Variants in ULK1 observed in about 807,000 individuals in gnomAD.
The protein encoded by ULK1 is unc-51 like autophagy activating kinase 1, also known as serine/threonine-protein kinase ULK1.
Under a neutral mutation model 117.5 loss-of-function variants are expected in ULK1, and 48 were observed. The ratio of observed to expected loss-of-function variants is 0.41; its 90% CI spans 0.32 to 0.52. The LOEUF (loss-of-function observed/expected upper bound fraction) is 0.52, where lower values mean the gene tolerates loss of function less well. Ranked by LOEUF, ULK1 falls within the 20% of genes least tolerant of loss-of-function variation. The probability of loss-of-function intolerance (pLI) is 0.29; values close to 1 mark genes in which losing one functional copy is unlikely to be tolerated. For missense variants in ULK1, 1,387 were observed against 1,473.4 expected (o/e 0.94, Z 0.96); for synonymous variants, 790 against 637.8 (o/e 1.24, Z -3.60).
chr12:131,895,913 G>T, intron 3 of ULK1, 89 bp downstream of exon 3: 1 of 1,549,308 alleles, frequency 6.5e-7, no homozygotes, highest in Admixed American at 1.7e-5. Flanking sequence ...CTGGTGTTGA[G>T]CCTGTCCAGG....
Position 131,915,397 on chromosome 12 carries a change from C to T in ULK1, c.1585C>T (p.Arg529Trp), listed in dbSNP as rs371800991. The T allele has an allele frequency of 2.4e-5, 39 of 1,612,668 alleles. No individual in the cohort carries two copies. Among genetic ancestry groups the T allele is most frequent in the South Asian group, 2.4e-4 (22 of 91,082 alleles). ...GTPSPQGAEM[R>W]GGRSPRPGSS... The stretch of plus-strand genomic sequence containing the variant: ...GCCCTCCCCACAGGGAGCTGAGATG[C>T]GGGGTGGCAGGTCCCCTCGTCCAGG... Residue 529 changes from arginine (R) to tryptophan (W), a missense_variant, in exon 18 of 28, where the codon CGG becomes TGG. Physicochemically the swap from Arg to Trp is moderately radical, Grantham distance 101 (BLOSUM62 -3). Coordinates refer to ENST00000321867, the MANE Select transcript of ULK1 (RefSeq NM_003565.4).
At chr12:131,896,464 G>A (rs1410719590) in intron 3 of ULK1, 2 of 154,580 alleles carry the variant, frequency 1.3e-5, no homozygotes, top group African/African-American at 4.8e-5. Context: ...AGGAACCTGA[G>A]GCGGGAGATC....
At position 131,918,564 on chromosome 12, in the gene ULK1, A is replaced by T; in HGVS notation, c.2394A>T (p.Pro798=). ...TGCCTGGGCCCTGCAGCGAGGCCCCAGCCCCTGAGCTCCCTGCTCCAGGAC... is the reference window on the plus strand; with the variant it reads ...TGCCTGGGCCCTGCAGCGAGGCCCCTGCCCCTGAGCTCCCTGCTCCAGGAC... ...HLVPGPCSEA[P]APELPAPGHG... The change falls in exon 23 of 28, where the codon CCA becomes CCT. Residue 798 remains proline, a synonymous_variant. Transcript: ENST00000321867. The T allele has an allele frequency of 6.2e-7, 1 of 1,611,120 alleles. No individual in the cohort carries two copies. The highest frequency in any genetic ancestry group is 8.5e-7 in the Non-Finnish European group (1 of 1,179,314).
chr12:131,913,846 GC>G lies in ULK1; in HGVS notation c.1247+14del. 2.0e-6 allele frequency: 3 copies of G among 1,507,480 alleles called. No individual in the cohort carries two copies. Among genetic ancestry groups the G allele is most frequent in the East Asian group, 2.5e-5 (1 of 40,138 alleles). 93.4% of individuals were successfully genotyped at this position (1,507,480 alleles called of 1,614,324 possible). On this transcript the variant is annotated intron_variant, in intron 15 of 27. Transcript: ENST00000321867. The stretch of plus-strand genomic sequence containing the variant: ...CCCCCAGTCCCTCAGGGTAAGCAGG[GC>G]CCCAGGCTGGGTGGATGGGGCTGTG...
chr12:131,921,708 C>CAAAGCG lies in ULK1; in HGVS notation c.*349_*354dup. ...CCTGAGACCACTGCCGACTCAAAGCCAAAGCGAGCTCCTGCTTAGGGAAGG... is the reference window on the plus strand; with the variant it reads ...CCTGAGACCACTGCCGACTCAAAGCCAAAGCGAAAGCGAGCTCCTGCTTAGGGAAGG... On this transcript the variant is annotated 3_prime_UTR_variant, in exon 28 of 28. Transcript: ENST00000321867. The CAAAGCG allele has an allele frequency of 1.7e-6, 1 of 599,222 alleles. No individual in the cohort carries two copies. Among genetic ancestry groups the CAAAGCG allele is most frequent in the Non-Finnish European group, 3.1e-6 (1 of 322,030 alleles). 37.1% of individuals were successfully genotyped at this position (599,222 alleles called of 1,614,324 possible).
chr12:131,915,858 C>T (rs374770679), intron 18 of ULK1, 33 bp from the exon 19 acceptor site: 85 of 1,603,796 alleles, frequency 5.3e-5, no homozygotes, highest in African/African-American at 9.4e-5. Context: ...GCCGCCGGAC[C>T]GGAAGGTCGT....
chr12:131,915,228 C>T lies in ULK1; in HGVS notation c.1519C>T (p.Gln507Ter). The T allele has an allele frequency of 6.2e-7, 1 of 1,601,894 alleles. No homozygotes were observed. The highest frequency in any genetic ancestry group is 8.5e-7 in the Non-Finnish European group (1 of 1,174,564). The change falls in exon 17 of 28, where the codon CAA (glutamine) becomes TAA (stop). Residue 507 changes from glutamine (Q) to a stop codon, truncating the protein, a stop_gained. Transcript: ENST00000321867. LOFTEE classifies it high-confidence loss of function. ...GGGRPYTPSPQVGTIPERPGW... is the reference protein window; with the variant it reads ...GGGRPYTPSP Reference sequence around the variant, plus strand: ...AGGCCGGCCCTACACGCCATCTCCTCAAGGTGCGCCTGCAGGCTGGGGCCT... The same window carrying T: ...AGGCCGGCCCTACACGCCATCTCCTTAAGGTGCGCCTGCAGGCTGGGGCCT...
Position 131,919,453 on chromosome 12 carries a change from A to G in ULK1, c.2685-19A>G, listed in dbSNP as rs1386451703. 6 of 1,605,932 alleles carry G rather than the reference A, an allele frequency of 3.7e-6. No homozygotes were observed. The highest frequency in any genetic ancestry group is 5.1e-6 in the Non-Finnish European group (6 of 1,177,006). On this transcript the variant is annotated intron_variant, in intron 24 of 27. Coordinates refer to ENST00000321867, the MANE Select transcript of ULK1 (RefSeq NM_003565.4). ...GGCCAGGACCAACCGGCCTCCTCTG[A>G]TCTGCCTGCCGCCCCCAGCTTCGCG...
intron 3 of ULK1, among the ~76,000 whole-genome samples, chr12:131,900,077 G>A (rs1377667677): frequency 2.9e-5 from 4 of 137,008 alleles, no homozygotes; most frequent in Non-Finnish European, 4.5e-5. Flanking sequence ...AGATTGCGCC[G>A]CTGCACTCCA....
At chr12:131,914,621 C>T (rs1889691970) in intron 16 of ULK1, 144 bp downstream of exon 16, 1 of 1,142,956 alleles carries the variant, frequency 8.7e-7, no homozygotes, top group Non-Finnish European at 1.2e-6. Context: ...CCACCATTTA[C>T]TTTGTTGATG....
At chr12:131,905,182 C>T (rs1889225948) in intron 3 of ULK1, among the ~76,000 whole-genome samples, 1 of 152,176 alleles carries the variant, frequency 6.6e-6, no homozygotes, top group African/African-American at 2.4e-5. Flanking sequence ...CACCATCGGC[C>T]TTAGCCTCCC....
At position 131,917,455 on chromosome 12, in the gene ULK1, G is replaced by A. The variant is rs1312357552; in HGVS notation, c.2227G>A (p.Ala743Thr). 5.2e-6 allele frequency: 8 copies of A among 1,533,210 alleles called. No homozygotes were observed. The South Asian group carries it at 9.8e-5, about 19-fold the overall frequency. 95.0% of individuals were successfully genotyped at this position (1,533,210 alleles called of 1,614,324 possible). The part of the protein sequence containing the change: ...FGGSLHPGAR[A>T]GGTSSPSPVV... ...AGGGAGCCTGCACCCAGGAGCCCGTGCTGGGGGCACCAGCAGCCCTTCCCC... is the reference window on the plus strand; with the variant it reads ...AGGGAGCCTGCACCCAGGAGCCCGTACTGGGGGCACCAGCAGCCCTTCCCC... The change falls in exon 22 of 28, where the codon GCT becomes ACT. Residue 743 changes from alanine (A) to threonine (T), a missense_variant. Physicochemically the swap from Ala to Thr is moderately conservative, Grantham distance 58 (BLOSUM62 0). Coordinates refer to ENST00000321867, the MANE Select transcript of ULK1 (RefSeq NM_003565.4).
Position 131,912,036 on chromosome 12 carries a change from A to G in ULK1, c.1043A>G (p.Lys348Arg), listed in dbSNP as rs1889560309. The G allele has an allele frequency of 6.2e-7, 1 of 1,612,750 alleles. No homozygotes were observed. The change falls in exon 13 of 28, where the codon AAG becomes AGG. Residue 348 changes from lysine (K) to arginine (R), a missense_variant. By Grantham distance (26) the Lys-to-Arg change is conservative. Around this residue, in one of 4 missense-constraint regions of ULK1, gnomAD observed 260 missense variants for 271.6 expected, o/e 0.96. Coordinates refer to ENST00000321867, the MANE Select transcript of ULK1 (RefSeq NM_003565.4). ...AGCTCCCGGGACTCTGGTGGCAGCA[A>G]GGACTCTTCCTGTGACACAGACGAC... ...LHSSRDSGGS[K>R]DSSCDTDDFV...
chr12:131,921,707 C>A lies in ULK1; in HGVS notation c.*346C>A. On this transcript the variant is annotated 3_prime_UTR_variant, in exon 28 of 28. Transcript: ENST00000321867. The stretch of plus-strand genomic sequence containing the variant: ...GCCTGAGACCACTGCCGACTCAAAG[C>A]CAAAGCGAGCTCCTGCTTAGGGAAG... 1.7e-6 allele frequency: 1 copy of A among 598,236 alleles called. No individual in the cohort carries two copies. The highest frequency in any genetic ancestry group is 1.7e-5 in the South Asian group (1 of 60,530). 37.1% of individuals were successfully genotyped at this position (598,236 alleles called of 1,614,324 possible). A position where few individuals can be genotyped will look rare whatever the true frequency, so the allele number is the denominator to read the frequency against.
Position 131,920,182 on chromosome 12 carries a change from AGGCCCGCCGTCTCCACTGGGAC to A in ULK1, c.2961+49_2961+70del, listed in dbSNP as rs1890088237. On this transcript the variant is annotated intron_variant, in intron 26 of 27. Coordinates refer to ENST00000321867, the MANE Select transcript of ULK1 (RefSeq NM_003565.4). ...AGTGGGGCAGGGGCCAGGAACTTCC[AGGCCCGCCGTCTCCACTGGGAC>A]GGGACCTTGATGCCCACAGCGTGGT... The A allele has an allele frequency of 1.9e-6, 3 of 1,591,426 alleles. No homozygotes were observed. The East Asian group carries it at 6.8e-5, about 36-fold the overall frequency.
rs989519155 is a variant in ULK1, at chr12:131,902,634, A to G, written c.247-4258A>G. Among the ~76,000 whole-genome samples, 33 of 152,154 alleles carry G rather than the reference A, an allele frequency of 2.2e-4. 3 individuals carry two copies. Among genetic ancestry groups the G allele is most frequent in the Admixed American group, 1.8e-3 (27 of 15,280 alleles). On this transcript the variant is annotated intron_variant, in intron 3 of 27. Coordinates refer to ENST00000321867, the MANE Select transcript of ULK1 (RefSeq NM_003565.4). This position sits in a 1 kb window ranked among gnomAD's most constrained non-coding sequence, Gnocchi z 6.3. ...GGGACAGCCCTGTGGAATGGTCAGC[A>G]GCCGTTCCCTGTTTCCTCCCTTTAA... is the stretch of plus-strand genomic sequence containing the variant.
At position 131,919,565 on chromosome 12, in the gene ULK1, C is replaced by A. The variant is rs113954208; in HGVS notation, c.2778C>A (p.Leu926=). Residue 926 remains leucine (L), a synonymous_variant, in exon 25 of 28, where the codon CTC becomes CTA. Coordinates refer to ENST00000321867, the MANE Select transcript of ULK1 (RefSeq NM_003565.4). ...SAIDQIRAGK[L]CLSSTVKQVV... ...TCGACCAGATCCGGGCCGGCAAGCT[C>A]TGCCTGTCGTCCACTGTGAAGCAGG... is the stretch of plus-strand genomic sequence containing the variant. 6.2e-7 allele frequency: 1 copy of A among 1,612,126 alleles called. No individual in the cohort carries two copies. Among genetic ancestry groups the A allele is most frequent in the East Asian group, 2.2e-5 (1 of 44,882 alleles).
At position 131,913,739 on chromosome 12, in the gene ULK1, C is replaced by A; in HGVS notation, c.1158-8C>A. The A allele has an allele frequency of 6.6e-7, 1 of 1,512,246 alleles. No individual in the cohort carries two copies. The highest frequency in any genetic ancestry group is 8.8e-7 in the Non-Finnish European group (1 of 1,130,640). The allele number at this position is 1,512,246 out of a possible 1,614,324, so 93.7% of individuals were successfully genotyped here. A position where few individuals can be genotyped will look rare whatever the true frequency, so the allele number is the denominator to read the frequency against. On this transcript the variant is annotated splice_polypyrimidine_tract_variant and splice_region_variant and intron_variant, in intron 14 of 27. Coordinates refer to ENST00000321867, the MANE Select transcript of ULK1 (RefSeq NM_003565.4). ...AAAAATGCCCTTGGCCTCCCTTCTG[C>A]CCCACAGGAGCTCACTGGTGGCCTC...
intron 3 of ULK1, among the ~76,000 whole-genome samples, chr12:131,901,691 C>G (rs575591858): frequency 2.6e-5 from 4 of 152,176 alleles, no homozygotes; most frequent in African/African-American, 9.7e-5. Flanking sequence ...TTTGTTTGTG[C>G]GCAGCACCCC....
Sources: gnomAD v4.1 joint callset for allele counts (sites outside exome capture counted in the v4.1 genomes callset) on GRCh38, gnomAD v4.1.1 for gene constraint, gnomAD v4.1.1 regional missense constraint, Gnocchi (gnomAD v3.1) non-coding constraint, MANE v1.5 for transcripts, NCBI Gene and HGNC (gene_info 2026-07-23, HGNC 2026-07-21) for gene names.